ACSL1: variants seen among roughly 807,000 people sequenced by gnomAD.
ACSL1 encodes long-chain-fatty-acid--CoA ligase 1.
Under a neutral mutation model 98.4 loss-of-function variants are expected in ACSL1, and 41 were observed. The observed-to-expected ratio is 0.42, with a 90% CI of 0.32 to 0.54. The LOEUF (loss-of-function observed/expected upper bound fraction) is 0.54. Among genes scored for constraint, ACSL1 ranks in the 20% least tolerant of loss-of-function variants. ACSL1 has a pLI of 0.13. For missense variants in ACSL1, 734 were observed against 883.1 expected, an observed-to-expected ratio of 0.83 and a Z score of 2.14; for synonymous variants, 316 against 322.7, an observed-to-expected ratio of 0.98 and a Z score of 0.22.
At chr4:184,821,075 T>C (rs966554492) in intron 1 of ACSL1, 1 of 456,182 alleles carries the variant, frequency 2.2e-6, no homozygotes, top group Non-Finnish European at 4.4e-6. Flanking sequence ...CCTTACAGGG[T>C]TGCTGAAGGT....
chr4:184,780,597 CA>C (rs1482826826), intron 4 of ACSL1, among the ~76,000 whole-genome samples, 164 bp from the exon 5 acceptor site: 2 of 152,144 alleles, frequency 1.3e-5, no homozygotes, highest in African/African-American at 4.8e-5. Context: ...TGGTAAAACA[CA>C]AGGTTTTATT....
intron 17 of ACSL1, 67 bp downstream of exon 17, chr4:184,762,340 T>C: frequency 7.5e-7 from 1 of 1,339,248 alleles, no homozygotes; most frequent in Non-Finnish European, 1.1e-6. Flanking sequence ...AGCTGCACAG[T>C]AGATAAGACA....
At position 184,774,294 on chromosome 4, in the gene ACSL1, T is replaced by C. The variant is rs531741296; in HGVS notation, c.757-419A>G. Among the ~76,000 whole-genome samples the C allele has an allele frequency of 9.4e-4, 143 of 152,300 alleles. 2 individuals carry two copies. Among genetic ancestry groups the C allele is most frequent in the African/African-American group, 3.1e-3 (128 of 41,552 alleles). On this transcript the variant is annotated intron_variant, in intron 7 of 20. Transcript: ENST00000281455. ...GGTTCCTCAAATCAGAGCACAGCAC[T>C]ACCTCACCCCCACATTCTGCACAAC...
intron 17 of ACSL1, among the ~76,000 whole-genome samples, chr4:184,761,154 G>T (rs1192018519): frequency 6.6e-6 from 1 of 152,166 alleles, no homozygotes; most frequent in Non-Finnish European, 1.5e-5. Flanking sequence ...AGTGTCTAGG[G>T]TTCTTTTGTT....
chr4:184,766,310 G>A lies in ACSL1; in HGVS notation c.1263+312C>T, dbSNP rs775395740. Among the ~76,000 whole-genome samples, 1 of 152,132 alleles carries A rather than the reference G, an allele frequency of 6.6e-6. No individual in the cohort carries two copies. Among genetic ancestry groups the A allele is most frequent in the East Asian group, 1.9e-4 (1 of 5,182 alleles). On this transcript the variant is annotated intron_variant, in intron 13 of 20. Coordinates refer to ENST00000281455, the MANE Select transcript of ACSL1 (RefSeq NM_001995.5). The surrounding 1 kb of genome is among the most constrained non-coding windows in gnomAD (Gnocchi z 4.8). ...TCTGGGGGGCATGATATTGTTACACGTTATCACTCATGCTTGAAAAATTAC... is the reference window on the plus strand; with the variant it reads ...TCTGGGGGGCATGATATTGTTACACATTATCACTCATGCTTGAAAAATTAC...
chr4:184,802,596 G>A (rs1440883140), intron 2 of ACSL1, among the ~76,000 whole-genome samples: 3 of 152,082 alleles, frequency 2.0e-5, no homozygotes, highest in Admixed American at 6.5e-5. Flanking sequence ...TTTCTCACTA[G>A]GGAAGGCAGG....
At chr4:184,816,628 G>A (rs979680460) in intron 1 of ACSL1, among the ~76,000 whole-genome samples, 21 of 152,098 alleles carry the variant, frequency 1.4e-4, no homozygotes, top group African/African-American at 5.1e-4. Context: ...AGACACAGAA[G>A]TATAATAAAA....
chr4:184,770,316 C>T, intron 11 of ACSL1, 83 bp downstream of exon 11: 1 of 1,576,554 alleles, frequency 6.3e-7, no homozygotes, highest in Non-Finnish European at 8.6e-7. Flanking sequence ...GTCACTGGCA[C>T]TCAAGGGAAG....
At chr4:184,780,130 A>C (rs192893432) in intron 5 of ACSL1, among the ~76,000 whole-genome samples, 2 of 152,216 alleles carry the variant, frequency 1.3e-5, no homozygotes, top group East Asian at 1.9e-4. Flanking sequence ...CCTTGGCCTC[A>C]CAAAGTGCTG....
At chr4:184,777,628 C>T (rs774181863) in intron 5 of ACSL1, among the ~76,000 whole-genome samples, 1 of 151,862 alleles carries the variant, frequency 6.6e-6, no homozygotes, top group Non-Finnish European at 1.5e-5. Context: ...AATTAAAATC[C>T]GCCTGAAGAA....
At chr4:184,772,979 A>G in intron 10 of ACSL1, 102 bp downstream of exon 10, 1 of 1,084,806 alleles carries the variant, frequency 9.2e-7, no homozygotes, top group South Asian at 1.4e-5. Context: ...TCGTTTCTAA[A>G]TGCCACATGG....
chr4:184,770,149 T>C (rs1764267320), intron 11 of ACSL1: 2 of 1,071,062 alleles, frequency 1.9e-6, no homozygotes, highest in Non-Finnish European at 2.6e-6. Context: ...ATCCTGTTCA[T>C]ACTCAGAAAA....
Position 184,787,676 on chromosome 4 carries a change from C to G in ACSL1, c.310+941G>C, listed in dbSNP as rs1017147810. Reference sequence around the variant, plus strand: ...ATTAGGAGTTTGAGACCAGCCTGACCAACATGGAGAAACCCCATCTCTATT... The same window carrying G: ...ATTAGGAGTTTGAGACCAGCCTGACGAACATGGAGAAACCCCATCTCTATT... On this transcript the variant is annotated intron_variant, in intron 3 of 20. Coordinates refer to ENST00000281455, the MANE Select transcript of ACSL1 (RefSeq NM_001995.5). 3.9e-5 allele frequency among the ~76,000 whole-genome samples: 6 copies of G among 152,056 alleles called. 1 individual carries two copies. The highest frequency in any genetic ancestry group is 3.9e-4 in the East Asian group (2 of 5,176).
intron 2 of ACSL1, among the ~76,000 whole-genome samples, chr4:184,789,605 T>G (rs1458048885): frequency 6.6e-6 from 1 of 152,228 alleles, no homozygotes; most frequent in African/African-American, 2.4e-5. Context: ...GTGTGCAGAT[T>G]TGACATCGCT....
At chr4:184,785,075 A>C (rs1766990966) in intron 3 of ACSL1, among the ~76,000 whole-genome samples, 1 of 152,338 alleles carries the variant, frequency 6.6e-6, no homozygotes, top group African/African-American at 2.4e-5. Flanking sequence ...GTTTTTGTAG[A>C]CACAGTGATA....
At chr4:184,809,789 C>A (rs1044876587) in intron 1 of ACSL1, among the ~76,000 whole-genome samples, 1 of 152,256 alleles carries the variant, frequency 6.6e-6, no homozygotes, top group East Asian at 1.9e-4. Context: ...GAGCGAGACT[C>A]TGTCTCAAAA....
At position 184,757,407 on chromosome 4, in the gene ACSL1, A is replaced by G; in HGVS notation, c.1957-142T>C. On this transcript the variant is annotated intron_variant, in intron 20 of 20. Coordinates refer to ENST00000281455, the MANE Select transcript of ACSL1 (RefSeq NM_001995.5). This position sits in a 1 kb window ranked among gnomAD's most constrained non-coding sequence, Gnocchi z 4.5. ...CAGCCAAGCTGCACCTTCTCAACAA[A>G]GGACAGGCATCCTATTCTTAGGATA... is the stretch of plus-strand genomic sequence containing the variant. 1 of 1,115,106 alleles carries G rather than the reference A, an allele frequency of 9.0e-7. No individual in the cohort carries two copies. 69.1% of individuals were successfully genotyped at this position (1,115,106 alleles called of 1,614,324 possible). A position where few individuals can be genotyped will look rare whatever the true frequency, so the allele number is the denominator to read the frequency against.
At chr4:184,776,811 T>C (rs1165882539) in intron 6 of ACSL1, 73 bp downstream of exon 6, 2 of 1,538,682 alleles carry the variant, frequency 1.3e-6, no homozygotes, top group African/African-American at 1.4e-5. Flanking sequence ...TCAAATCAAA[T>C]GTAAGCAAAT....
chr4:184,824,315 T>C (rs775689112), intron 1 of ACSL1, among the ~76,000 whole-genome samples: 4 of 151,694 alleles, frequency 2.6e-5, no homozygotes, highest in Non-Finnish European at 5.9e-5. Flanking sequence ...TTAGTAGAGA[T>C]AGGGTTTCTC....
Sources: gnomAD v4.1 joint callset for allele counts (sites outside exome capture counted in the v4.1 genomes callset) on GRCh38, gnomAD v4.1.1 for gene constraint, Gnocchi (gnomAD v3.1) non-coding constraint, MANE v1.5 for transcripts, NCBI Gene and HGNC (gene_info 2026-07-23, HGNC 2026-07-21) for gene names.